Variants in CNTNAP5 observed in about 807,000 individuals in gnomAD.
The protein encoded by CNTNAP5 is contactin associated protein family member 5.
A neutral mutation model predicts 150.2 loss-of-function variants in CNTNAP5; 72 were observed. That is an observed-to-expected ratio of 0.48 (90% CI 0.40 to 0.58). The LOEUF is 0.58. CNTNAP5 is among the 20% of genes least tolerant of loss of function. CNTNAP5 has a pLI of 0.00. For missense variants in CNTNAP5, 1,636 were observed against 1,626.2 expected, an observed-to-expected ratio of 1.01 and a Z score of -0.10; for synonymous variants, 672 against 619.8, an observed-to-expected ratio of 1.08 and a Z score of -1.25.
At chr2:124,610,325 C>T (rs1677352634) in intron 12 of CNTNAP5, among the ~76,000 whole-genome samples, 1 of 152,152 alleles carries the variant, frequency 6.6e-6, no homozygotes, top group East Asian at 1.9e-4. Flanking sequence ...CCAAGGGATG[C>T]ATGACCCTTA....
In CNTNAP5 at chr2:124,711,898, A is replaced by T. The variant is rs190308915; in HGVS notation, c.2078-35331A>T. On this transcript the variant is annotated intron_variant, in intron 13 of 23. Transcript: ENST00000682447. ...CAGTTCTAGTATTGTTTAATTCAGC[A>T]CCTCATCACAGATAAGTAATTTCTA... Among the ~76,000 whole-genome samples the T allele has an allele frequency of 1.4e-4, 21 of 152,240 alleles. No homozygotes were observed. In the East Asian group the frequency reaches 3.9e-3, roughly 28 times the overall value.
rs575926356 is a variant in CNTNAP5, at chr2:124,080,987, C to T, written c.82+55255C>T. Among the ~76,000 whole-genome samples, 3 of 152,228 alleles carry T rather than the reference C, an allele frequency of 2.0e-5. No homozygotes were observed. In the East Asian group the frequency reaches 5.8e-4, roughly 29 times the overall value. ...TCTAGTGATAAGTAGTCATTTGTCT[C>T]CAATAAAACTTTACAGTTGCAATCA... On this transcript the variant is annotated intron_variant, in intron 1 of 23. Transcript: ENST00000682447.
At chr2:124,701,625 T>G (rs961817934) in intron 13 of CNTNAP5, among the ~76,000 whole-genome samples, 3 of 152,140 alleles carry the variant, frequency 2.0e-5, no homozygotes, top group African/African-American at 7.2e-5. Flanking sequence ...ACAATCTACA[T>G]TCCTGTGAAC....
chr2:124,482,049 G>A (rs558012976), intron 7 of CNTNAP5, among the ~76,000 whole-genome samples: 12 of 152,240 alleles, frequency 7.9e-5, no homozygotes, highest in South Asian at 6.2e-4. Flanking sequence ...TTAAAAAAAC[G>A]GGCTATGTAA....
At chr2:124,367,098 G>A (rs1690391092) in intron 3 of CNTNAP5, among the ~76,000 whole-genome samples, 2 of 152,214 alleles carry the variant, frequency 1.3e-5, no homozygotes, top group African/African-American at 4.8e-5. Flanking sequence ...AGTTCAGAGT[G>A]ACCCTTAGTC....
intron 3 of CNTNAP5, among the ~76,000 whole-genome samples, chr2:124,309,099 A>T (rs887720487): frequency 1.3e-5 from 2 of 152,226 alleles, no homozygotes; most frequent in South Asian, 4.1e-4. Context: ...TAAATTAAGC[A>T]CATCAAAATA....
intron 6 of CNTNAP5, 64 bp downstream of exon 6, chr2:124,447,001 C>A: frequency 6.6e-7 from 1 of 1,507,628 alleles, no homozygotes; most frequent in Non-Finnish European, 9.1e-7. Flanking sequence ...GCAAGAAAAT[C>A]AGTGAGCAGA....
chr2:124,417,383 G>A (rs1251123470), intron 3 of CNTNAP5, 60 bp from the exon 4 acceptor site: 10 of 1,559,718 alleles, frequency 6.4e-6, no homozygotes, highest in African/African-American at 1.4e-5. Context: ...AACAAATATG[G>A]TTTTCCACTG....
Position 124,527,468 on chromosome 2 carries a change from CT to C in CNTNAP5, c.1649+13del. 6.3e-7 allele frequency: 1 copy of C among 1,599,628 alleles called. No individual in the cohort carries two copies. On this transcript the variant is annotated intron_variant, in intron 10 of 23. Transcript: ENST00000682447. ...AGCATCAAAGACAGGTAATTATTGT[CT>C]CTTCTCCTCTGTTCTGCCACCCCCT...
At chr2:124,433,453 C>T (rs1692442302) in intron 4 of CNTNAP5, among the ~76,000 whole-genome samples, 1 of 151,888 alleles carries the variant, frequency 6.6e-6, no homozygotes, top group African/African-American at 2.4e-5. Context: ...TTTCTAGATC[C>T]TTGGAAAAAA....
intron 8 of CNTNAP5, among the ~76,000 whole-genome samples, chr2:124,516,110 T>G (rs10174988): frequency 6.6e-6 from 1 of 152,204 alleles, no homozygotes; most frequent in African/African-American, 2.4e-5. Flanking sequence ...GAACTCAATC[T>G]ACCATAAGTA....
chr2:124,516,373 A>T (rs1217285719), intron 8 of CNTNAP5, among the ~76,000 whole-genome samples: 7 of 152,218 alleles, frequency 4.6e-5, no homozygotes, highest in Admixed American at 4.6e-4. Context: ...GTATGAGAGG[A>T]CATAGAAAGG....
intron 3 of CNTNAP5, among the ~76,000 whole-genome samples, chr2:124,292,624 CTTAT>C (rs1280107716): frequency 6.6e-6 from 1 of 151,806 alleles, no homozygotes; most frequent in Admixed American, 6.6e-5. Context: ...AGCATAGAGG[CTTAT>C]TTGACAAGTT....
chr2:124,510,301 CTATA>C (rs368230554), intron 8 of CNTNAP5, among the ~76,000 whole-genome samples: 2 of 106,054 alleles, frequency 1.9e-5, no homozygotes, highest in Admixed American at 1.2e-4. Context: ...ATCTATATAT[CTATA>C]TATATATCTA....
intron 3 of CNTNAP5, among the ~76,000 whole-genome samples, chr2:124,366,559 C>T (rs934360249): frequency 6.6e-6 from 1 of 152,120 alleles, no homozygotes; most frequent in Non-Finnish European, 1.5e-5. Flanking sequence ...AGAAAATCAA[C>T]CTCAGGCTGA....
chr2:124,519,283 ACT>A (rs568722567), intron 8 of CNTNAP5, among the ~76,000 whole-genome samples: 19 of 152,186 alleles, frequency 1.2e-4, no homozygotes, highest in Admixed American at 3.3e-4. Context: ...TGATTGTATA[ACT>A]CTGAATCTAT....
chr2:124,437,552 A>T (rs1692565360), intron 5 of CNTNAP5, among the ~76,000 whole-genome samples: 2 of 150,980 alleles, frequency 1.3e-5, no homozygotes, highest in Non-Finnish European at 2.9e-5. Context: ...AAATAATATA[A>T]AAAAAAGAAA....
chr2:124,911,689 G>A (rs1678658959), intron 23 of CNTNAP5, among the ~76,000 whole-genome samples, 151 bp downstream of exon 23: 1 of 152,144 alleles, frequency 6.6e-6, no homozygotes, highest in African/African-American at 2.4e-5. Flanking sequence ...GAGTAGTCCT[G>A]TGTGCTGAAT....
rs142648573 is a variant in CNTNAP5 at position 124,190,334 on chromosome 2, A to G, written c.83-31371A>G. On this transcript the variant is annotated intron_variant, in intron 1 of 23. Transcript: ENST00000682447. ...GAGTGTGCTTTATGAGCTAAACACA[A>G]TAATGGATCGTAGCCAATGCTAAAG... Among the ~76,000 whole-genome samples the G allele has an allele frequency of 3.3e-5, 5 of 152,326 alleles. No individual in the cohort carries two copies. The East Asian group carries it at 9.6e-4, about 29-fold the overall frequency.
Sources: allele counts gnomAD v4.1 joint callset (sites outside exome capture counted in the v4.1 genomes callset), GRCh38; gene constraint gnomAD v4.1.1; transcripts MANE v1.5; gene names NCBI Gene and HGNC (gene_info 2026-07-23, HGNC 2026-07-21).